UBE3D: variants seen among roughly 807,000 people sequenced by gnomAD.
UBE3D encodes E3 ubiquitin-protein ligase E3D.
UBE3D carries 48 observed loss-of-function variants against 49.6 expected under a neutral mutation model. That is an observed-to-expected ratio of 0.97 (90% confidence interval 0.77 to 1.23). The LOEUF (loss-of-function observed/expected upper bound fraction) is 1.23. Among genes scored for constraint, UBE3D ranks in the 50% most tolerant of loss-of-function variants. The pLI, the probability that UBE3D is intolerant of heterozygous loss-of-function variation, is 0.00. For synonymous variants in UBE3D, 189 were observed against 174.2 expected, an observed-to-expected ratio of 1.08 and a Z score of -0.67; for missense variants, 452 against 468.4, an observed-to-expected ratio of 0.96 and a Z score of 0.32.
chr6:82,943,799 A>C (rs958043572), intron 9 of UBE3D, among the ~76,000 whole-genome samples: 1 of 151,928 alleles, frequency 6.6e-6, no homozygotes, highest in East Asian at 1.9e-4. Flanking sequence ...AGCTCAGAGA[A>C]ATCTGTGCTC....
intron 5 of UBE3D, chr6:83,038,206 C>G (rs769105813): frequency 9.1e-5 from 40 of 440,836 alleles, no homozygotes; most frequent in Non-Finnish European, 1.3e-4. Context: ...CTTCTTAATA[C>G]TTAAAATTCA....
At chr6:82,950,062 C>T (rs1775674916) in intron 9 of UBE3D, among the ~76,000 whole-genome samples, 1 of 152,066 alleles carries the variant, frequency 6.6e-6, no homozygotes, top group African/African-American at 2.4e-5. Flanking sequence ...AAACAATCAA[C>T]AAAGTGAAGA....
At chr6:82,977,161 C>T (rs1777791286) in intron 8 of UBE3D, among the ~76,000 whole-genome samples, 1 of 141,940 alleles carries the variant, frequency 7.0e-6, no homozygotes, top group African/African-American at 2.7e-5. Context: ...GAAGGTAAGA[C>T]CCTTAAAAAT....
chr6:82,993,158 G>A (rs1258065346), intron 8 of UBE3D, among the ~76,000 whole-genome samples: 1 of 151,756 alleles, frequency 6.6e-6, no homozygotes, highest in East Asian at 1.9e-4. Flanking sequence ...GAGAGAGAGA[G>A]TCAGCAAAAG....
At chr6:82,999,092 T>C (rs561017403) in intron 8 of UBE3D, among the ~76,000 whole-genome samples, 3 of 152,192 alleles carry the variant, frequency 2.0e-5, no homozygotes, top group Admixed American at 6.5e-5. Flanking sequence ...ACTACCGTTA[T>C]CCCTTCTCCC....
intron 3 of UBE3D, among the ~76,000 whole-genome samples, chr6:83,049,934 T>G (rs1473164142): frequency 6.6e-6 from 1 of 152,218 alleles, no homozygotes; most frequent in African/African-American, 2.4e-5. Context: ...TGCTGGATAT[T>G]AGGGCCCATT....
At chr6:82,993,948 A>G (rs1004505769) in intron 8 of UBE3D, among the ~76,000 whole-genome samples, 2 of 152,196 alleles carry the variant, frequency 1.3e-5, no homozygotes, top group Admixed American at 1.3e-4. Context: ...TCATTAATCT[A>G]GAAACAAACT....
At chr6:82,961,185 A>C (rs1776523698) in intron 8 of UBE3D, among the ~76,000 whole-genome samples, 1 of 152,186 alleles carries the variant, frequency 6.6e-6, no homozygotes, top group Non-Finnish European at 1.5e-5. Flanking sequence ...GCAGTAATAT[A>C]TTTGCAAGAG....
intron 9 of UBE3D, among the ~76,000 whole-genome samples, chr6:82,928,109 A>G (rs1773892278): frequency 6.6e-6 from 1 of 152,034 alleles, no homozygotes; most frequent in African/African-American, 2.4e-5. Context: ...CTGGTGAGGG[A>G]TGTTGTAATG....
intron 2 of UBE3D, among the ~76,000 whole-genome samples, chr6:83,056,212 TG>T (rs1783806633): frequency 6.6e-6 from 1 of 152,218 alleles, no homozygotes; most frequent in Non-Finnish European, 1.5e-5. Flanking sequence ...AGAATATGGA[TG>T]GGCAAAAACC....
chr6:82,996,540 G>T (rs1779253709), intron 8 of UBE3D, among the ~76,000 whole-genome samples: 1 of 152,084 alleles, frequency 6.6e-6, no homozygotes, highest in Non-Finnish European at 1.5e-5. Context: ...TTGAGTGTGG[G>T]CTGGATTTAG....
chr6:82,911,223 A>AAAAAAAAC (rs1772496649), intron 9 of UBE3D, among the ~76,000 whole-genome samples: 1 of 149,358 alleles, frequency 6.7e-6, no homozygotes, highest in African/African-American at 2.5e-5. Context: ...AAAAAAAAAA[A>AAAAAAAAC]CTCAGGGGGG....
intron 5 of UBE3D, among the ~76,000 whole-genome samples, chr6:83,033,327 G>A (rs1782013401): frequency 6.6e-6 from 1 of 152,122 alleles, no homozygotes; most frequent in African/African-American, 2.4e-5. Flanking sequence ...TTTTATTATT[G>A]TAAATTGGGG....
rs573888266 is a variant in UBE3D, at chr6:82,954,410, T to C, written c.1149+2902A>G. 8.0e-4 allele frequency among the ~76,000 whole-genome samples: 122 copies of C among 152,260 alleles called. 1 individual carries two copies. Among genetic ancestry groups the C allele is most frequent in the Non-Finnish European group, 1.3e-3 (88 of 68,004 alleles). Reference sequence around the variant, plus strand: ...GCCTGAGAGAAATGTTACAATGTAATTTAAGAAGTTAGAATTTCATATTAT... The same window carrying C: ...GCCTGAGAGAAATGTTACAATGTAACTTAAGAAGTTAGAATTTCATATTAT... On this transcript the variant is annotated intron_variant, in intron 9 of 9. Coordinates refer to ENST00000369747, the MANE Select transcript of UBE3D (RefSeq NM_198920.3).
intron 9 of UBE3D, among the ~76,000 whole-genome samples, chr6:82,904,723 G>T (rs949934604): frequency 6.6e-6 from 1 of 152,156 alleles, no homozygotes; most frequent in Non-Finnish European, 1.5e-5. Context: ...ATTTTTAAAG[G>T]AGAAGCATAA....
At chr6:83,038,373 G>A in intron 5 of UBE3D, 43 bp downstream of exon 5, 3 of 1,451,706 alleles carry the variant, frequency 2.1e-6, no homozygotes, top group Non-Finnish European at 2.9e-6. Flanking sequence ...TGGCTTTTAA[G>A]CAAGAAGCCA....
At chr6:82,953,261 T>A (rs1212270863) in intron 9 of UBE3D, among the ~76,000 whole-genome samples, 1 of 152,244 alleles carries the variant, frequency 6.6e-6, no homozygotes, top group Non-Finnish European at 1.5e-5. Context: ...CCATATTCCC[T>A]ACTGTGGTAC....
At chr6:82,990,471 T>G (rs1778809029) in intron 8 of UBE3D, among the ~76,000 whole-genome samples, 1 of 152,082 alleles carries the variant, frequency 6.6e-6, no homozygotes, top group African/African-American at 2.4e-5. Context: ...AGAGACACGG[T>G]TTCACCATGT....
chr6:83,049,313 A>G (rs1783297763), intron 3 of UBE3D, among the ~76,000 whole-genome samples: 1 of 125,622 alleles, frequency 8.0e-6, no homozygotes, highest in Non-Finnish European at 1.7e-5. Flanking sequence ...TCAACTATCT[A>G]AAGCTCAAAA....
Sources: allele counts gnomAD v4.1 joint callset (sites outside exome capture counted in the v4.1 genomes callset), GRCh38; gene constraint gnomAD v4.1.1; transcripts MANE v1.5; gene names NCBI Gene and HGNC (gene_info 2026-07-23, HGNC 2026-07-21).